The following VPS13B variants were observed in gnomAD, a reference collection of about 807,000 sequenced individuals.
The protein encoded by VPS13B is intermembrane lipid transfer protein VPS13B.
Under a neutral mutation model 426.4 loss-of-function variants are expected in VPS13B, and 285 were observed. That is an observed-to-expected ratio of 0.67 (90% CI 0.61 to 0.74). The LOEUF (loss-of-function observed/expected upper bound fraction) is 0.74, where lower values mean the gene tolerates loss of function less well. VPS13B is among the 30% of genes least tolerant of loss of function. VPS13B has a pLI of 0.00. For missense variants in VPS13B, 4,537 were observed against 4,782.6 expected (o/e 0.95, Z 1.51); for synonymous variants, 1,676 against 1,676.4 (o/e 1.00, Z 0.01).
At chr8:99,662,167 C>G (rs1028430802) in intron 35 of VPS13B, among the ~76,000 whole-genome samples, 3 of 151,990 alleles carry the variant, frequency 2.0e-5, no homozygotes, top group Non-Finnish European at 4.4e-5. Context: ...TTTATGACTC[C>G]AAAGACCAGA....
chr8:99,163,524 C>T (rs577067918), intron 15 of VPS13B, among the ~76,000 whole-genome samples: 5 of 152,348 alleles, frequency 3.3e-5, no homozygotes, highest in African/African-American at 1.2e-4. Flanking sequence ...TGGCAGGCTG[C>T]AGGTCCCGAG....
At chr8:99,528,975 C>T (rs1490167587) in intron 30 of VPS13B, among the ~76,000 whole-genome samples, 2 of 151,384 alleles carry the variant, frequency 1.3e-5, no homozygotes, top group Non-Finnish European at 2.9e-5. Context: ...ATTTAGTCTT[C>T]TGATTATGAA....
chr8:99,478,904 A>C (rs2133549671), intron 24 of VPS13B, among the ~76,000 whole-genome samples: 1 of 151,744 alleles, frequency 6.6e-6, no homozygotes, highest in East Asian at 1.9e-4. Context: ...CAAATGAAAT[A>C]GTTTTTCTAA....
intron 17 of VPS13B, among the ~76,000 whole-genome samples, chr8:99,259,263 AT>A (rs1307791222): frequency 6.6e-6 from 1 of 152,098 alleles, no homozygotes; most frequent in African/African-American, 2.4e-5. Flanking sequence ...CTCTTCTATC[AT>A]GGATGAAATC....
intron 19 of VPS13B, among the ~76,000 whole-genome samples, chr8:99,375,949 A>C (rs1159618574): frequency 6.6e-6 from 1 of 152,200 alleles, no homozygotes; most frequent in Admixed American, 6.5e-5. Flanking sequence ...GCAAGCTTCT[A>C]TAGCTGCCAA....
chr8:99,826,900 G>A (rs1322049709), intron 51 of VPS13B, among the ~76,000 whole-genome samples: 14 of 151,878 alleles, frequency 9.2e-5, no homozygotes, highest in South Asian at 2.1e-4. Flanking sequence ...TGAACCAGTC[G>A]TGCATCCCAG....
intron 2 of VPS13B, among the ~76,000 whole-genome samples, chr8:99,028,532 CCACCT>C (rs1563491858): frequency 3.4e-5 from 2 of 58,838 alleles, no homozygotes; most frequent in Non-Finnish European, 7.7e-5. Context: ...ACCCCCCCCC[CCACCT>C]CCCTCCCGGA....
chr8:99,850,251 A>G (rs1816200334), intron 55 of VPS13B, among the ~76,000 whole-genome samples: 2 of 139,604 alleles, frequency 1.4e-5, no homozygotes, highest in Admixed American at 1.4e-4. Flanking sequence ...ATGTACTTAT[A>G]CATACATACA....
intron 33 of VPS13B, among the ~76,000 whole-genome samples, chr8:99,634,506 G>A (rs1010155292): frequency 4.6e-5 from 7 of 152,010 alleles, no homozygotes; most frequent in Non-Finnish European, 1.5e-5. Flanking sequence ...TTATCTTTCT[G>A]TCTGTTAAGC....
In VPS13B at chr8:99,388,667, A is replaced by G. The variant is rs112115516; in HGVS notation, c.2935-2890A>G. ...GGTAGCCATATTTCTAGAATAGTGGAGGAAATCACTGGTCTTACTCCTTAT... is the reference window on the plus strand; with the variant it reads ...GGTAGCCATATTTCTAGAATAGTGGGGGAAATCACTGGTCTTACTCCTTAT... On this transcript the variant is annotated intron_variant, in intron 20 of 61. Coordinates refer to ENST00000357162, the MANE Select transcript of VPS13B (RefSeq NM_152564.5). 3.9e-3 allele frequency among the ~76,000 whole-genome samples: 589 copies of G among 152,310 alleles called. 6 individuals carry two copies. Among genetic ancestry groups the G allele is most frequent in the African/African-American group, 0.013 (524 of 41,570 alleles).
intron 35 of VPS13B, among the ~76,000 whole-genome samples, chr8:99,669,863 A>G (rs997562667): frequency 1.3e-5 from 2 of 152,096 alleles, no homozygotes; most frequent in African/African-American, 4.8e-5. Context: ...TAATGTAACT[A>G]TTTTATAGGT....
At chr8:99,082,938 A>G (rs967201380) in intron 3 of VPS13B, among the ~76,000 whole-genome samples, 16 of 152,192 alleles carry the variant, frequency 1.1e-4, no homozygotes, top group South Asian at 4.1e-4. Flanking sequence ...TTGACTTGGC[A>G]ATGCGGGCTC....
At chr8:99,422,809 T>C (rs1017965879) in intron 21 of VPS13B, among the ~76,000 whole-genome samples, 1 of 152,210 alleles carries the variant, frequency 6.6e-6, no homozygotes, top group Non-Finnish European at 1.5e-5. Flanking sequence ...CATTTTTCCC[T>C]CCTCAGAGGT....
intron 19 of VPS13B, among the ~76,000 whole-genome samples, chr8:99,304,431 G>A (rs146536447): frequency 1.2e-3 from 186 of 151,994 alleles, no homozygotes; most frequent in African/African-American, 4.2e-3. Flanking sequence ...ATGGAATAAG[G>A]CATTGAATCC....
chr8:99,673,350 T>C (rs1280197515), intron 35 of VPS13B, among the ~76,000 whole-genome samples: 1 of 152,030 alleles, frequency 6.6e-6, no homozygotes, highest in Non-Finnish European at 1.5e-5. Context: ...TCATTATCTA[T>C]TCTTGGTACA....
At chr8:99,499,385 C>A (rs977784611) in intron 25 of VPS13B, among the ~76,000 whole-genome samples, 1 of 152,102 alleles carries the variant, frequency 6.6e-6, no homozygotes, top group Non-Finnish European at 1.5e-5. Flanking sequence ...ACCAAGTATA[C>A]CAAGTAGTGT....
chr8:99,832,219 G>A, intron 51 of VPS13B, 150 bp from the exon 52 acceptor site: 1 of 1,144,228 alleles, frequency 8.7e-7, no homozygotes, highest in Non-Finnish European at 1.2e-6. Flanking sequence ...CCGAGATGGT[G>A]CCACTGCACT....
At chr8:99,233,192 C>G in intron 17 of VPS13B, 1 of 1,396,856 alleles carries the variant, frequency 7.2e-7, no homozygotes, top group Non-Finnish European at 1.0e-6. Flanking sequence ...TCCTCATTTT[C>G]ATCGGGCGTT....
In VPS13B at chr8:99,271,195, AACTACTACTACTACTACT is replaced by A. The variant is rs10538522; in HGVS notation, c.2516-2967_2516-2950del. ...TATTGCTGCTGCTGCTGCTACCACT[AACTACTACTACTACTACT>A]ACTACTACTACTACTACTACTACTA... On this transcript the variant is annotated intron_variant, in intron 17 of 61. Transcript: ENST00000357162. 8.0e-3 allele frequency among the ~76,000 whole-genome samples: 1,165 copies of A among 145,274 alleles called. 6 individuals are homozygous for A. The highest frequency in any genetic ancestry group is 0.011 in the Non-Finnish European group (738 of 66,522).
Sources: allele counts gnomAD v4.1 joint callset (sites outside exome capture counted in the v4.1 genomes callset), GRCh38; gene constraint gnomAD v4.1.1; transcripts MANE v1.5; gene names NCBI Gene and HGNC (gene_info 2026-07-23, HGNC 2026-07-21).